The following WWOX variants were observed in gnomAD, a reference collection of about 807,000 sequenced individuals.
WWOX encodes WW domain-containing oxidoreductase.
In WWOX, 69 loss-of-function variants were observed where a neutral mutation model predicts 46.2. The observed-to-expected ratio is 1.49, with a 90% confidence interval of 1.23 to 1.82. The LOEUF (loss-of-function observed/expected upper bound fraction) is 1.82, where lower values mean the gene tolerates loss of function less well. WWOX is among the 40% of genes most tolerant of loss of function. The pLI is 0.00. For synonymous variants in WWOX, 359 were observed against 202.6 expected (o/e 1.77, Z -6.56); for missense variants, 919 against 542.6 (o/e 1.69, Z -6.89).
chr16:78,643,028 A>G (rs1164556020), intron 8 of WWOX, among the ~76,000 whole-genome samples: 1 of 152,118 alleles, frequency 6.6e-6, no homozygotes, highest in East Asian at 1.9e-4. Flanking sequence ...GCACAAAGTA[A>G]ATGTTAGTGC....
intron 8 of WWOX, among the ~76,000 whole-genome samples, chr16:78,452,238 G>T (rs181843162): frequency 1.4e-4 from 21 of 152,230 alleles, no homozygotes; most frequent in African/African-American, 3.9e-4. Flanking sequence ...AAGAGATTGC[G>T]TAACACCCTT....
chr16:79,161,625 C>T (rs1223900012), intron 8 of WWOX, among the ~76,000 whole-genome samples: 6 of 152,150 alleles, frequency 3.9e-5, no homozygotes, highest in Admixed American at 6.5e-5. Context: ...CGGATTCAAG[C>T]GATTCCCCTG....
chr16:79,054,398 G>A (rs1437547020), intron 8 of WWOX, among the ~76,000 whole-genome samples: 1 of 152,186 alleles, frequency 6.6e-6, no homozygotes, highest in Non-Finnish European at 1.5e-5. Context: ...CATCCTAGAG[G>A]AGGAAAATGC....
intron 4 of WWOX, among the ~76,000 whole-genome samples, chr16:78,126,872 G>C (rs976237010): frequency 1.3e-5 from 2 of 152,186 alleles, no homozygotes; most frequent in Admixed American, 6.5e-5. Context: ...GATTACTTTG[G>C]TTATGCAAAT....
intron 8 of WWOX, chr16:79,004,879 T>C (rs942910617): frequency 6.6e-6 from 1 of 152,180 alleles, no homozygotes. Flanking sequence ...TTATTATTTG[T>C]AATTTTGGGG....
intron 8 of WWOX, among the ~76,000 whole-genome samples, chr16:79,018,911 G>A (rs1369462753): frequency 6.6e-6 from 1 of 152,088 alleles, no homozygotes; most frequent in African/African-American, 2.4e-5. Context: ...AACACTTTGG[G>A]AGGATAAGGT....
chr16:78,253,832 G>A (rs74027959), intron 5 of WWOX, among the ~76,000 whole-genome samples: 4,326 of 152,172 alleles, frequency 0.028, 234 homozygotes, highest in East Asian at 0.23. Flanking sequence ...TGGTGACTTG[G>A]GAAAGAAAAA....
intron 8 of WWOX, among the ~76,000 whole-genome samples, chr16:78,581,030 T>G (rs1435329030): frequency 6.6e-6 from 1 of 152,196 alleles, no homozygotes; most frequent in South Asian, 2.1e-4. Flanking sequence ...TTTAATCATA[T>G]GAAAATCAGC....
intron 8 of WWOX, among the ~76,000 whole-genome samples, chr16:78,805,792 T>A (rs2051019071): frequency 6.6e-6 from 1 of 152,222 alleles, no homozygotes. Context: ...TGTTTTGTTT[T>A]TGTTTCTGTT....
chr16:78,817,022 C>T (rs540882047), intron 8 of WWOX, among the ~76,000 whole-genome samples: 2 of 152,074 alleles, frequency 1.3e-5, no homozygotes, highest in East Asian at 3.9e-4. Flanking sequence ...TTCTGACCAA[C>T]TGTTTTTGAT....
At chr16:78,359,722 G>C (rs983594812) in intron 5 of WWOX, among the ~76,000 whole-genome samples, 3 of 152,170 alleles carry the variant, frequency 2.0e-5, no homozygotes, top group Admixed American at 6.5e-5. Context: ...CCTTTTACGA[G>C]ACAACGTGAT....
chr16:78,423,944 T>C (rs1441894113), intron 6 of WWOX, among the ~76,000 whole-genome samples: 1 of 151,916 alleles, frequency 6.6e-6, no homozygotes, highest in African/African-American at 2.4e-5. Context: ...GTTCATTTAA[T>C]CTGATCTCTA....
chr16:79,112,273 A>G (rs1280269347), intron 8 of WWOX, among the ~76,000 whole-genome samples: 1 of 152,206 alleles, frequency 6.6e-6, no homozygotes, highest in Non-Finnish European at 1.5e-5. Flanking sequence ...CGGACAGGCA[A>G]CAGATCATCT....
At chr16:79,001,220 C>A (rs886504481) in intron 8 of WWOX, among the ~76,000 whole-genome samples, 1 of 152,118 alleles carries the variant, frequency 6.6e-6, no homozygotes, top group Non-Finnish European at 1.5e-5. Context: ...GAACGGAGGC[C>A]GGTTAGAGAC....
intron 8 of WWOX, among the ~76,000 whole-genome samples, chr16:78,438,073 T>C (rs997309204): frequency 5.3e-5 from 8 of 152,332 alleles, no homozygotes; most frequent in Middle Eastern, 3.4e-3. Flanking sequence ...GTTGTAACCA[T>C]GTGTGATGAC....
At chr16:79,202,650 A>T (rs1045402963) in intron 8 of WWOX, 3 of 152,330 alleles carry the variant, frequency 2.0e-5, no homozygotes, top group East Asian at 3.9e-4. Flanking sequence ...ATTTCTATTC[A>T]GCTTTAAAGA....
intron 8 of WWOX, among the ~76,000 whole-genome samples, chr16:78,560,732 A>G (rs1408382294): frequency 6.6e-6 from 1 of 152,228 alleles, no homozygotes; most frequent in Non-Finnish European, 1.5e-5. Flanking sequence ...ATTAAAAAAA[A>G]GCAGCTATGG....
intron 8 of WWOX, among the ~76,000 whole-genome samples, chr16:79,119,707 G>A (rs149887561): frequency 1.1e-3 from 161 of 152,310 alleles, no homozygotes; most frequent in Admixed American, 1.3e-3. Flanking sequence ...ACCTCCCTCT[G>A]TACCCTTCTC....
intron 1 of WWOX, among the ~76,000 whole-genome samples, chr16:78,102,303 C>G (rs1205740796): frequency 6.6e-6 from 1 of 152,154 alleles, no homozygotes; most frequent in Non-Finnish European, 1.5e-5. Context: ...CCTGCATGGC[C>G]TGTCCAGGGG....
Sources: allele counts gnomAD v4.1 joint callset (sites outside exome capture counted in the v4.1 genomes callset), GRCh38; gene constraint gnomAD v4.1.1; transcripts MANE v1.5; gene names NCBI Gene and HGNC (gene_info 2026-07-23, HGNC 2026-07-21).